RAI14: variants seen among roughly 807,000 people sequenced by gnomAD.
RAI14 encodes retinoic acid induced 14, also known as ankycorbin.
Under a neutral mutation model 115.4 loss-of-function variants are expected in RAI14, and 45 were observed. The observed-to-expected ratio is 0.39, with a 90% CI of 0.31 to 0.50. The LOEUF is 0.50. Among genes scored for constraint, RAI14 ranks in the 20% least tolerant of loss-of-function variants. RAI14 has a pLI of 0.85. For missense variants in RAI14, 939 were observed against 1,131.2 expected (o/e 0.83, Z 2.44); for synonymous variants, 371 against 415.4 (o/e 0.89, Z 1.30).
At chr5:34,696,945 AC>A (rs1235690766) in intron 2 of RAI14, among the ~76,000 whole-genome samples, 2 of 151,952 alleles carry the variant, frequency 1.3e-5, no homozygotes, top group Non-Finnish European at 2.9e-5. Context: ...AGCTTGGCCA[AC>A]ATGGTGAAAC....
chr5:34,662,904 T>G (rs991226917), intron 1 of RAI14, among the ~76,000 whole-genome samples: 8 of 151,826 alleles, frequency 5.3e-5, no homozygotes, highest in Admixed American at 2.0e-4. Context: ...GATTTTTGTA[T>G]TTTTAGTAGA....
intron 3 of RAI14, among the ~76,000 whole-genome samples, chr5:34,795,337 T>C (rs990826987): frequency 6.6e-6 from 1 of 152,184 alleles, no homozygotes; most frequent in Non-Finnish European, 1.5e-5. Flanking sequence ...GAACTCACCT[T>C]AAAGAGCTGT....
intron 2 of RAI14, among the ~76,000 whole-genome samples, chr5:34,698,033 T>C (rs1047338428): frequency 6.6e-6 from 1 of 150,682 alleles, no homozygotes; most frequent in African/African-American, 2.4e-5. Context: ...CCAGTGTTGC[T>C]TGTAAAGCCT....
At position 34,827,944 on chromosome 5, in the gene RAI14, G is replaced by T. The variant is rs888788091; in HGVS notation, c.2799+1465G>T. Among the ~76,000 whole-genome samples, 1 of 152,154 alleles carries T rather than the reference G, an allele frequency of 6.6e-6. No homozygotes were observed. Among genetic ancestry groups the T allele is most frequent in the Non-Finnish European group, 1.5e-5 (1 of 68,038 alleles). ...ACCCAATCTTGCTGAGTCATGAAAA[G>T]GTTCCTACGGGAGTTACACTTGTGC... On this transcript the variant is annotated intron_variant, in intron 16 of 17. Transcript: ENST00000265109. The surrounding 1 kb of genome is among the most constrained non-coding windows in gnomAD (Gnocchi z 4.2).
intron 2 of RAI14, among the ~76,000 whole-genome samples, chr5:34,744,838 A>G (rs982706885): frequency 6.6e-6 from 1 of 152,244 alleles, no homozygotes; most frequent in African/African-American, 2.4e-5. Flanking sequence ...AAATCAAGGC[A>G]TTGGCAAGGC....
chr5:34,754,090 A>AG (rs545677402), intron 2 of RAI14, among the ~76,000 whole-genome samples: 1 of 11,942 alleles, frequency 8.4e-5, no homozygotes, highest in Non-Finnish European at 2.1e-4. Context: ...CAAAAGAAAG[A>AG]AAAAAAAAAG....
At chr5:34,766,450 C>T (rs113629126) in intron 3 of RAI14, among the ~76,000 whole-genome samples, 6,966 of 152,154 alleles carry the variant, frequency 0.046, 180 homozygotes, top group African/African-American at 0.071. Context: ...GAGATCATTT[C>T]GGAGCTTTAA....
chr5:34,802,091 ATGAACTGGG>A (rs1754340324), intron 4 of RAI14, among the ~76,000 whole-genome samples: 2 of 152,098 alleles, frequency 1.3e-5, no homozygotes, highest in Admixed American at 1.3e-4. Flanking sequence ...AGTGGTTCTG[ATGAACTGGG>A]CTTGATATTG....
At chr5:34,710,807 C>T (rs1348711580) in intron 2 of RAI14, among the ~76,000 whole-genome samples, 1 of 152,184 alleles carries the variant, frequency 6.6e-6, no homozygotes, top group African/African-American at 2.4e-5. Flanking sequence ...TTCTGCTCAG[C>T]ATGCCAAGAC....
rs1748043313 is a variant in RAI14 at position 34,757,472 on chromosome 5, A to G, written c.41A>G (p.Asn14Ser). The change falls in exon 3 of 18, where the codon AAT becomes AGT. Residue 14 changes from asparagine to serine, a missense_variant. By Grantham distance (46) the Asn-to-Ser change is conservative. Transcript: ENST00000265109. The stretch of plus-strand genomic sequence containing the variant: ...GTTTCTTCTCTTTCTCTACAGACCA[A>G]TGAGTGGAACAAGAATGATGACCGG... ...LKAKFRKSDT[N>S]EWNKNDDRLL... 7 of 1,613,368 alleles carry G rather than the reference A, an allele frequency of 4.3e-6. No individual in the cohort carries two copies. Among genetic ancestry groups the G allele is most frequent in the Non-Finnish European group, 5.9e-6 (7 of 1,179,732 alleles).
intron 7 of RAI14, among the ~76,000 whole-genome samples, chr5:34,810,324 A>C (rs1181245746): frequency 6.6e-6 from 1 of 152,202 alleles, no homozygotes; most frequent in Non-Finnish European, 1.5e-5. Flanking sequence ...ATATTCTTCT[A>C]GTATTTTTCA....
At chr5:34,754,089 GA>G (rs34435679) in intron 2 of RAI14, among the ~76,000 whole-genome samples, 35,684 of 148,526 alleles carry the variant, frequency 0.24, 4,898 homozygotes, top group African/African-American at 0.36. Flanking sequence ...TCAAAAGAAA[GA>G]AAAAAAAAAG....
intron 1 of RAI14, among the ~76,000 whole-genome samples, chr5:34,657,866 C>T (rs775183278): frequency 9.9e-5 from 15 of 152,240 alleles, no homozygotes; most frequent in Non-Finnish European, 1.5e-4. Context: ...TGTCCCCAGC[C>T]TGCAGGTCCC....
intron 2 of RAI14, among the ~76,000 whole-genome samples, chr5:34,731,962 G>T (rs1260650818): frequency 6.6e-6 from 1 of 152,178 alleles, no homozygotes; most frequent in African/African-American, 2.4e-5. Context: ...TCGGTGGAGT[G>T]GAGGGAGAGG....
At chr5:34,793,092 A>G (rs988194011) in intron 3 of RAI14, among the ~76,000 whole-genome samples, 1 of 152,258 alleles carries the variant, frequency 6.6e-6, no homozygotes, top group Non-Finnish European at 1.5e-5. Flanking sequence ...TATTTCAGCC[A>G]TCAAATATAT....
rs1446726673 is a variant in RAI14, at chr5:34,656,351, A to C, written c.-173A>C. 2 of 151,364 alleles carry C rather than the reference A, an allele frequency of 1.3e-5. No individual in the cohort carries two copies. Among genetic ancestry groups the C allele is most frequent in the African/African-American group, 4.9e-5 (2 of 41,154 alleles). 9.4% of individuals were successfully genotyped at this position (151,364 alleles called of 1,614,324 possible). ...CCACTGACCCCCGCAGCGGGGGAGG[A>C]GGAGGGACTGCGGCGCAGGAAGCCG... is the stretch of plus-strand genomic sequence containing the variant. On this transcript the variant is annotated 5_prime_UTR_variant, in exon 1 of 18. Transcript: ENST00000265109.
intron 4 of RAI14, 59 bp from the exon 5 acceptor site, chr5:34,803,653 G>C: frequency 7.2e-7 from 1 of 1,384,724 alleles, no homozygotes; most frequent in Non-Finnish European, 1.0e-6. Context: ...ATAAGAAAGA[G>C]ATTTTTTTTA....
At chr5:34,683,823 G>A (rs1386209309) in intron 1 of RAI14, among the ~76,000 whole-genome samples, 11 of 152,126 alleles carry the variant, frequency 7.2e-5, no homozygotes, top group African/African-American at 2.6e-4. Context: ...CGCCTCCCGG[G>A]TTCACGCCAT....
intron 3 of RAI14, among the ~76,000 whole-genome samples, chr5:34,788,785 C>T (rs1752603712): frequency 6.6e-6 from 1 of 152,024 alleles, no homozygotes. Context: ...GCCTAGCCAA[C>T]ATGGTGAAAC....
Sources: gnomAD v4.1 joint callset for allele counts (sites outside exome capture counted in the v4.1 genomes callset) on GRCh38, gnomAD v4.1.1 for gene constraint, Gnocchi (gnomAD v3.1) non-coding constraint, MANE v1.5 for transcripts, NCBI Gene and HGNC (gene_info 2026-07-23, HGNC 2026-07-21) for gene names.